The following DLG2 variants were observed in gnomAD, a reference collection of about 807,000 sequenced individuals.
DLG2 encodes discs large MAGUK scaffold protein 2, also known as disks large homolog 2.
A neutral mutation model predicts 132.5 loss-of-function variants in DLG2; 45 were observed. That is an observed-to-expected ratio of 0.34 (90% confidence interval 0.27 to 0.44). The LOEUF is 0.44. Ranked by LOEUF, DLG2 falls within the 20% of genes least tolerant of loss-of-function variation. The probability of loss-of-function intolerance (pLI) is 1.00; values close to 1 mark genes in which losing one functional copy is unlikely to be tolerated. For synonymous variants in DLG2, 424 were observed against 419.6 expected, an observed-to-expected ratio of 1.01 and a Z score of -0.13; for missense variants, 1,045 against 1,196.9, an observed-to-expected ratio of 0.87 and a Z score of 1.87.
intron 15 of DLG2, among the ~76,000 whole-genome samples, chr11:83,886,698 A>G (rs11233779): frequency 0.4 from 60,207 of 148,982 alleles, 12,576 homozygotes; most frequent in South Asian, 0.58. Flanking sequence ...ATACTTGGAA[A>G]TAAAGCTCTC....
chr11:84,173,662 C>T, intron 8 of DLG2, among the ~76,000 whole-genome samples: 1 of 152,048 alleles, frequency 6.6e-6, no homozygotes, highest in Middle Eastern at 3.2e-3. Flanking sequence ...ATGTTCTCTA[C>T]TTCATCCCCT....
chr11:84,340,830 A>AG (rs11404033), intron 7 of DLG2, among the ~76,000 whole-genome samples: 55,199 of 151,882 alleles, frequency 0.36, 12,272 homozygotes, highest in African/African-American at 0.63. Flanking sequence ...CTAGTGTTAA[A>AG]GGGCCACTCT....
At chr11:83,823,669 A>ATTCG (rs1168601220) in intron 17 of DLG2, among the ~76,000 whole-genome samples, 6 of 151,166 alleles carry the variant, frequency 4.0e-5, no homozygotes, top group Admixed American at 2.6e-4. Context: ...TCATTCATTC[A>ATTCG]TTCATTCGTT....
intron 18 of DLG2, among the ~76,000 whole-genome samples, chr11:83,762,806 C>A (rs965068000): frequency 7.2e-5 from 11 of 152,172 alleles, no homozygotes; most frequent in African/African-American, 2.7e-4. Flanking sequence ...TGGTCTCGAT[C>A]TTCTGACCTC....
At chr11:85,486,713 G>T (rs1055989387) in intron 3 of DLG2, among the ~76,000 whole-genome samples, 9 of 152,008 alleles carry the variant, frequency 5.9e-5, no homozygotes, top group African/African-American at 2.2e-4. Context: ...GATTCCAGTA[G>T]GTTGCTTTAC....
chr11:83,724,039 AT>A (rs2089384781), intron 18 of DLG2, among the ~76,000 whole-genome samples: 1 of 152,166 alleles, frequency 6.6e-6, no homozygotes, highest in Non-Finnish European at 1.5e-5. Flanking sequence ...ATTGTTAAAA[AT>A]TATCCTTTCC....
intron 6 of DLG2, among the ~76,000 whole-genome samples, chr11:84,781,549 A>G (rs2153909794): frequency 1.3e-5 from 2 of 152,064 alleles, no homozygotes; most frequent in Non-Finnish European, 2.9e-5. Flanking sequence ...ATAATAATAG[A>G]AATTGTCCTT....
intron 21 of DLG2, among the ~76,000 whole-genome samples, chr11:83,517,231 T>C (rs1305803623): frequency 6.6e-6 from 1 of 152,224 alleles, no homozygotes; most frequent in Non-Finnish European, 1.5e-5. Flanking sequence ...TTCTTTTTAT[T>C]CTTTTTTCTC....
chr11:84,988,972 A>C (rs1433348913), intron 6 of DLG2, among the ~76,000 whole-genome samples: 1 of 152,176 alleles, frequency 6.6e-6, no homozygotes, highest in Admixed American at 6.5e-5. Context: ...CTAGTGTATA[A>C]AAACTCCTAG....
At chr11:85,477,773 T>A (rs1264210271) in intron 3 of DLG2, among the ~76,000 whole-genome samples, 1 of 152,176 alleles carries the variant, frequency 6.6e-6, no homozygotes, top group Non-Finnish European at 1.5e-5. Context: ...TTTCAAACTA[T>A]CTCATGAGCC....
At chr11:84,731,394 T>G (rs890980215) in intron 6 of DLG2, among the ~76,000 whole-genome samples, 1 of 151,992 alleles carries the variant, frequency 6.6e-6, no homozygotes, top group Non-Finnish European at 1.5e-5. Context: ...TGGGGATAAG[T>G]GCTTCGAGGA....
chr11:84,837,878 G>T lies in DLG2; in HGVS notation c.357+273783C>A, dbSNP rs373273905. Among the ~76,000 whole-genome samples the T allele has an allele frequency of 1.2e-4, 18 of 151,850 alleles. No homozygotes were observed. In the South Asian group the frequency reaches 3.7e-3, roughly 32 times the overall value. On this transcript the variant is annotated intron_variant, in intron 6 of 27. Transcript: ENST00000376104. The stretch of plus-strand genomic sequence containing the variant: ...GTGGTTTGCCAGACCAGCATCAAGA[G>T]CAAATAACCTGGGAGCTTGTAAGAA...
intron 4 of DLG2, among the ~76,000 whole-genome samples, chr11:85,214,222 T>C (rs1236043445): frequency 6.6e-6 from 1 of 152,150 alleles, no homozygotes; most frequent in African/African-American, 2.4e-5. Context: ...TTTTTCTCTA[T>C]AGCTCAACTC....
At chr11:84,416,904 A>C (rs1431173101) in intron 7 of DLG2, among the ~76,000 whole-genome samples, 1 of 152,256 alleles carries the variant, frequency 6.6e-6, no homozygotes, top group Non-Finnish European at 1.5e-5. Context: ...CAAATATTGA[A>C]TTTTGTGTTT....
chr11:84,216,268 T>C (rs759926226), intron 8 of DLG2, among the ~76,000 whole-genome samples: 49 of 152,300 alleles, frequency 3.2e-4, no homozygotes, highest in Non-Finnish European at 3.2e-4. Flanking sequence ...TTAAGGCTCA[T>C]GTAATTACAG....
intron 3 of DLG2, among the ~76,000 whole-genome samples, chr11:85,424,163 C>T (rs941121899): frequency 6.6e-6 from 1 of 152,184 alleles, no homozygotes; most frequent in African/African-American, 2.4e-5. Flanking sequence ...AATATCGTCT[C>T]CCATAATCAA....
chr11:85,129,733 TC>T (rs1221837435), intron 5 of DLG2, among the ~76,000 whole-genome samples: 3 of 152,190 alleles, frequency 2.0e-5, no homozygotes, highest in Non-Finnish European at 4.4e-5. Context: ...TATAAATCAT[TC>T]TACTATAAAG....
intron 11 of DLG2, among the ~76,000 whole-genome samples, chr11:84,019,843 G>A (rs1028903034): frequency 7.9e-5 from 12 of 152,112 alleles, no homozygotes; most frequent in Admixed American, 7.2e-4. Flanking sequence ...GTCTTCAGAA[G>A]GAAACAACCT....
chr11:85,379,180 AGAG>A (rs1240451145), intron 3 of DLG2, among the ~76,000 whole-genome samples: 1 of 152,212 alleles, frequency 6.6e-6, no homozygotes, highest in Non-Finnish European at 1.5e-5. Context: ...AATGCGGAGA[AGAG>A]TGGGATGAAC....
Sources: gnomAD v4.1 joint callset for allele counts (sites outside exome capture counted in the v4.1 genomes callset) on GRCh38, gnomAD v4.1.1 for gene constraint, MANE v1.5 for transcripts, NCBI Gene and HGNC (gene_info 2026-07-23, HGNC 2026-07-21) for gene names.